FRMD4B: variants seen among roughly 807,000 people sequenced by gnomAD.
FRMD4B encodes the protein FERM domain-containing protein 4B.
A neutral mutation model predicts 141.5 loss-of-function variants in FRMD4B; 74 were observed. The observed-to-expected ratio is 0.52, with a 90% CI of 0.43 to 0.63. The LOEUF is 0.63. FRMD4B is among the 30% of genes least tolerant of loss of function. FRMD4B has a pLI of 0.00. For synonymous variants in FRMD4B, 506 were observed against 467.9 expected (o/e 1.08, Z -1.05); for missense variants, 1,366 against 1,253.4 (o/e 1.09, Z -1.36).
At chr3:69,390,385 G>T (rs906440502), upstream of FRMD4B, among the ~76,000 whole-genome samples, 1 of 152,162 alleles carries the variant, frequency 6.6e-6, no homozygotes, top group Admixed American at 6.5e-5. Flanking sequence ...TCTCAACCGG[G>T]GGCAATTTTA....
At chr3:69,455,311 C>A (rs753634776) in intron 1 of FRMD4B, among the ~76,000 whole-genome samples, 1 of 152,200 alleles carries the variant, frequency 6.6e-6, no homozygotes, top group Non-Finnish European at 1.5e-5. Flanking sequence ...GAGGTTTGTT[C>A]TTTCACTCTT....
At position 69,463,161 on chromosome 3, in the gene FRMD4B, AG is replaced by A. The variant is rs374200486; in HGVS notation, c.-128-30401del. Among the ~76,000 whole-genome samples, 116 of 152,350 alleles carry A rather than the reference AG, an allele frequency of 7.6e-4. No individual in the cohort carries two copies. The South Asian group carries it at 0.023, about 30-fold the overall frequency. On this transcript the variant is annotated intron_variant, in intron 1 of 5. Transcript: ENST00000459638. ...ATCTAGAGCAACCATCAGCCCAGGA[AG>A]TTTCCTTAGACCCCTCACCAGTCAA...
intron 17 of FRMD4B, among the ~76,000 whole-genome samples, chr3:69,192,947 G>A (rs1344001963): frequency 6.6e-6 from 1 of 151,546 alleles, no homozygotes; most frequent in Non-Finnish European, 1.5e-5. Flanking sequence ...CCTCCCCTGT[G>A]GCTGGGACTA....
chr3:69,246,965 G>T (rs529780147), intron 7 of FRMD4B, among the ~76,000 whole-genome samples: 1 of 152,258 alleles, frequency 6.6e-6, no homozygotes, highest in South Asian at 2.1e-4. Context: ...CCTAAGGAAG[G>T]TTTGTGAAAT....
intron 5 of FRMD4B, among the ~76,000 whole-genome samples, chr3:69,269,713 C>T (rs970070577): frequency 5.4e-5 from 8 of 149,448 alleles, no homozygotes; most frequent in Admixed American, 2.7e-4. Context: ...GGCACGATCT[C>T]GGCTCAAGCG....
intron 1 of FRMD4B, among the ~76,000 whole-genome samples, chr3:69,520,430 T>C (rs890421019): frequency 2.7e-5 from 4 of 148,200 alleles, no homozygotes; most frequent in African/African-American, 9.9e-5. Context: ...GTGATATATA[T>C]ATATATCACA....
chr3:69,306,931 A>G (rs1256670568), intron 3 of FRMD4B, among the ~76,000 whole-genome samples: 1 of 152,164 alleles, frequency 6.6e-6, no homozygotes, highest in Non-Finnish European at 1.5e-5. Flanking sequence ...TTTACCAAAG[A>G]AAAAGAACTA....
chr3:69,425,262 A>G lies in FRMD4B; in HGVS notation c.-1+7372T>C, dbSNP rs555513304. 1.6e-3 allele frequency among the ~76,000 whole-genome samples: 240 copies of G among 152,350 alleles called. 2 individuals are homozygous for G. The highest frequency in any genetic ancestry group is 3.4e-3 in the Middle Eastern group (1 of 294). On this transcript the variant is annotated intron_variant, in intron 2 of 5. Transcript: ENST00000459638. ...CAGAAAGGACATGCAGTAAATGTTA[A>G]TCAATTCTATTGCCATAAGAAACGT...
At chr3:69,418,714 A>C (rs1379043810) in intron 2 of FRMD4B, among the ~76,000 whole-genome samples, 5 of 152,148 alleles carry the variant, frequency 3.3e-5, no homozygotes, top group Non-Finnish European at 5.9e-5. Context: ...GGGAACGTAG[A>C]GCCTCAGACA....
intron 5 of FRMD4B, among the ~76,000 whole-genome samples, chr3:69,270,524 T>A (rs912346102): frequency 6.6e-6 from 1 of 152,190 alleles, no homozygotes; most frequent in South Asian, 2.1e-4. Flanking sequence ...ACAAGATTTG[T>A]GTCTTTAAGG....
chr3:69,273,876 TG>T (rs2093606096), intron 5 of FRMD4B, among the ~76,000 whole-genome samples: 1 of 150,008 alleles, frequency 6.7e-6, no homozygotes, highest in Admixed American at 6.7e-5. Flanking sequence ...TTTTGGAGGT[TG>T]AAAGAATTTA....
rs761560431 is a variant in FRMD4B, at chr3:69,197,028, A to T, written c.964T>A (p.Ser322Thr). 5.6e-6 allele frequency: 9 copies of T among 1,610,970 alleles called. No individual in the cohort carries two copies. In the South Asian group the frequency reaches 9.9e-5, roughly 18 times the overall value. ...EVHDPRRISV[S>T]RRTFGQSGLF... ...CCACTTTGCCCAAAGGTTCTTCTTGAAACTGAAATCCTGAAAGATTAAAGA... is the reference window on the plus strand; with the variant it reads ...CCACTTTGCCCAAAGGTTCTTCTTGTAACTGAAATCCTGAAAGATTAAAGA... The change falls in exon 13 of 23, where the codon TCA becomes ACA. Residue 322 changes from serine to threonine, a missense_variant. Transcript: ENST00000398540.
At chr3:69,207,551 T>G (rs141939443) in intron 11 of FRMD4B, among the ~76,000 whole-genome samples, 312 of 152,212 alleles carry the variant, frequency 2.0e-3, no homozygotes, top group Middle Eastern at 0.017. Context: ...GGCTCATGCC[T>G]GTAATCCCAG....
In FRMD4B at chr3:69,459,113, T is replaced by A. The variant is rs188986747; in HGVS notation, c.-128-26352A>T. On this transcript the variant is annotated intron_variant, in intron 1 of 5. Coordinates refer to the FRMD4B transcript ENST00000459638. ...ATGCAATAAATACACCGTTGGTACT[T>A]CCATGTTTATGATCCACTGCCTTTT... Among the ~76,000 whole-genome samples the A allele has an allele frequency of 3.9e-5, 6 of 152,320 alleles. No homozygotes were observed. In the East Asian group the frequency reaches 1.2e-3, roughly 29 times the overall value.
intron 1 of FRMD4B, among the ~76,000 whole-genome samples, chr3:69,482,654 C>T (rs1421176982): frequency 2.0e-5 from 3 of 152,158 alleles, no homozygotes; most frequent in African/African-American, 7.2e-5. Context: ...TTCCTTTTAA[C>T]TGAAGAATCA....
intron 1 of FRMD4B, among the ~76,000 whole-genome samples, chr3:69,467,308 C>T (rs1291915300): frequency 1.3e-5 from 2 of 152,196 alleles, no homozygotes. Context: ...ATTAAGAGAG[C>T]TAGCATTTGA....
chr3:69,533,024 C>G (rs893089857), intron 1 of FRMD4B, among the ~76,000 whole-genome samples: 1 of 152,214 alleles, frequency 6.6e-6, no homozygotes, highest in South Asian at 2.1e-4. Context: ...CTCACTGTGA[C>G]AACACATTCA....
At position 69,286,570 on chromosome 3, in the gene FRMD4B, C is replaced by T. The variant is rs532062406; in HGVS notation, c.501+1182G>A. On this transcript the variant is annotated intron_variant, in intron 5 of 22. Transcript: ENST00000398540. Reference sequence around the variant, plus strand: ...ATGAACACATAACATGCTCAATAACCCTAAAAGAAGGCCTGGAAACAGGTA... The same window carrying T: ...ATGAACACATAACATGCTCAATAACTCTAAAAGAAGGCCTGGAAACAGGTA... Among the ~76,000 whole-genome samples the T allele has an allele frequency of 3.9e-5, 6 of 151,960 alleles. No individual in the cohort carries two copies. In the South Asian group the frequency reaches 1.3e-3, roughly 32 times the overall value.
chr3:69,288,833 C>G (rs1288809267), intron 4 of FRMD4B, among the ~76,000 whole-genome samples: 8 of 152,202 alleles, frequency 5.3e-5, no homozygotes, highest in Admixed American at 2.6e-4. Context: ...TGAACCTATC[C>G]TTAGCTCTGC....
Sources: gnomAD v4.1 joint callset for allele counts (sites outside exome capture counted in the v4.1 genomes callset) on GRCh38, gnomAD v4.1.1 for gene constraint, MANE v1.5 for transcripts, NCBI Gene and HGNC (gene_info 2026-07-23, HGNC 2026-07-21) for gene names.